Variants in PCDHA7 observed in about 807,000 individuals in gnomAD.
PCDHA7 encodes the protein protocadherin alpha-7.
Under a neutral mutation model 57.2 loss-of-function variants are expected in PCDHA7, and 37 were observed. The observed-to-expected ratio is 0.65, with a 90% confidence interval of 0.50 to 0.85. The LOEUF (loss-of-function observed/expected upper bound fraction) is 0.85. Among genes scored for constraint, PCDHA7 ranks in the 40% least tolerant of loss-of-function variants. PCDHA7 has a pLI of 0.00. For synonymous variants in PCDHA7, 553 were observed against 558.8 expected, an observed-to-expected ratio of 0.99 and a Z score of 0.15; for missense variants, 1,188 against 1,241.8, an observed-to-expected ratio of 0.96 and a Z score of 0.65.
chr5:140,997,559 T>C (rs550494855), intron 3 of PCDHA7, among the ~76,000 whole-genome samples: 9 of 152,148 alleles, frequency 5.9e-5, no homozygotes, highest in Non-Finnish European at 1.3e-4. Context: ...ACAGGACAAC[T>C]GTCATATGTG....
At chr5:140,859,400 G>T in intron 1 of PCDHA7, 1 of 258,574 alleles carries the variant, frequency 3.9e-6, no homozygotes, top group South Asian at 8.7e-5. Context: ...CTTAAACAGG[G>T]TTGGGTTAGA....
chr5:140,946,634 A>ATATATATAT (rs1554217761), intron 1 of PCDHA7, among the ~76,000 whole-genome samples: 5 of 147,332 alleles, frequency 3.4e-5, no homozygotes, highest in African/African-American at 7.7e-5. Flanking sequence ...ATATATATAC[A>ATATATATAT]ATGGAATACT....
At chr5:140,906,609 T>C (rs376857630) in intron 1 of PCDHA7, among the ~76,000 whole-genome samples, 2 of 152,348 alleles carry the variant, frequency 1.3e-5, no homozygotes, top group East Asian at 3.9e-4. Flanking sequence ...TCATTCTGTA[T>C]TCCCTTTGCC....
At chr5:140,857,386 C>T (rs782509093) in intron 1 of PCDHA7, 1 of 1,598,308 alleles carries the variant, frequency 6.3e-7, no homozygotes. Context: ...AGGTGGCCGA[C>T]GTGAACGACA....
chr5:140,969,863 C>G (rs1305470999), intron 1 of PCDHA7, among the ~76,000 whole-genome samples: 2 of 152,156 alleles, frequency 1.3e-5, no homozygotes, highest in Non-Finnish European at 2.9e-5. Context: ...CTGGTACTTG[C>G]ACTGAACCTA....
chr5:140,871,118 G>T (rs1554165149), intron 1 of PCDHA7: 1 of 1,613,306 alleles, frequency 6.2e-7, no homozygotes, highest in African/African-American at 1.3e-5. Context: ...GTGGAGAGCG[G>T]ACAGGCGCCA....
At chr5:140,989,174 G>T (rs1305141291) in intron 3 of PCDHA7, among the ~76,000 whole-genome samples, 3 of 152,132 alleles carry the variant, frequency 2.0e-5, no homozygotes, top group Non-Finnish European at 4.4e-5. Flanking sequence ...TAAAACAGGA[G>T]AGTTTCTGAA....
intron 1 of PCDHA7, among the ~76,000 whole-genome samples, chr5:140,945,282 T>C (rs1554216856): frequency 6.6e-6 from 1 of 152,062 alleles, no homozygotes; most frequent in African/African-American, 2.4e-5. Context: ...TTTAAAACAT[T>C]GATGAAAGAA....
intron 1 of PCDHA7, chr5:140,871,263 G>C: frequency 6.2e-7 from 1 of 1,614,010 alleles, no homozygotes; most frequent in Non-Finnish European, 8.5e-7. Context: ...ATACGGCGCT[G>C]TGGTGGTCGG....
chr5:140,900,563 C>G (rs1174778855), intron 1 of PCDHA7, among the ~76,000 whole-genome samples: 4 of 152,164 alleles, frequency 2.6e-5, no homozygotes, highest in Non-Finnish European at 5.9e-5. Flanking sequence ...AGGCGTGAGC[C>G]ACGGCACCGG....
intron 1 of PCDHA7, among the ~76,000 whole-genome samples, chr5:140,920,549 G>T (rs957534849): frequency 6.6e-6 from 1 of 152,120 alleles, no homozygotes; most frequent in Non-Finnish European, 1.5e-5. Flanking sequence ...TTTCACCTTC[G>T]AAGTGTGGCC....
intron 3 of PCDHA7, among the ~76,000 whole-genome samples, chr5:140,982,908 C>A (rs1554244948): frequency 2.0e-5 from 3 of 151,668 alleles, no homozygotes; most frequent in Non-Finnish European, 2.9e-5. Flanking sequence ...GCCTTATGCA[C>A]AGAGATGACA....
chr5:140,952,327 A>G (rs1407008388), intron 1 of PCDHA7, among the ~76,000 whole-genome samples: 2 of 134,678 alleles, frequency 1.5e-5, no homozygotes, highest in Non-Finnish European at 1.6e-5. Flanking sequence ...AACAAGAGTG[A>G]AACTCCATCT....
intron 1 of PCDHA7, among the ~76,000 whole-genome samples, chr5:140,944,406 C>G (rs1003379783): frequency 6.6e-6 from 1 of 152,084 alleles, no homozygotes; most frequent in African/African-American, 2.4e-5. Flanking sequence ...AGGCTGGTCT[C>G]GAACTCCTGA....
chr5:140,934,152 T>C (rs2089672287), intron 1 of PCDHA7, among the ~76,000 whole-genome samples: 1 of 152,190 alleles, frequency 6.6e-6, no homozygotes. Context: ...TATATGTTTA[T>C]ATTTCAGTGT....
chr5:140,937,039 C>CTTTTT, intron 1 of PCDHA7, among the ~76,000 whole-genome samples: 1 of 140,166 alleles, frequency 7.1e-6, no homozygotes, highest in Non-Finnish European at 1.5e-5. Flanking sequence ...TTCCATTTAT[C>CTTTTT]TTTTTTTTTT....
At chr5:140,869,037 C>G (rs547872988) in intron 1 of PCDHA7, 1 of 1,528,286 alleles carries the variant, frequency 6.5e-7, no homozygotes, top group African/African-American at 1.4e-5. Context: ...AGATTTTTAA[C>G]CTGAAACTGA....
intron 1 of PCDHA7, among the ~76,000 whole-genome samples, chr5:140,933,797 A>G (rs1419925900): frequency 6.6e-6 from 1 of 152,062 alleles, no homozygotes; most frequent in African/African-American, 2.4e-5. Context: ...GAAAATTTTA[A>G]TTGAGATCAA....
chr5:140,980,412 A>G (rs1264059417), intron 2 of PCDHA7, among the ~76,000 whole-genome samples: 4 of 152,302 alleles, frequency 2.6e-5, no homozygotes, highest in Non-Finnish European at 5.9e-5. Flanking sequence ...TGGGCAGATC[A>G]TGAGGTCAAG....
Sources: allele counts gnomAD v4.1 joint callset (sites outside exome capture counted in the v4.1 genomes callset), GRCh38; gene constraint gnomAD v4.1.1; transcripts MANE v1.5; gene names NCBI Gene and HGNC (gene_info 2026-07-23, HGNC 2026-07-21).